TRPM3: variants seen among roughly 807,000 people sequenced by gnomAD.
TRPM3 encodes the protein transient receptor potential cation channel subfamily M member 3, also known as long transient receptor potential channel 3.
In TRPM3, 77 loss-of-function variants were observed where a neutral mutation model predicts 181.2. The ratio of observed to expected loss-of-function variants is 0.42; its 90% CI spans 0.35 to 0.51. The LOEUF (loss-of-function observed/expected upper bound fraction) is 0.51, where lower values mean the gene tolerates loss of function less well. Ranked by LOEUF, TRPM3 falls within the 20% of genes least tolerant of loss-of-function variation. The pLI is 0.01. For missense variants in TRPM3, 1,759 were observed against 2,196.7 expected (o/e 0.80, Z 3.98); for synonymous variants, 745 against 796.4 (o/e 0.94, Z 1.09).
intron 22 of TRPM3, among the ~76,000 whole-genome samples, chr9:70,572,828 T>C (rs190057228): frequency 1.3e-5 from 2 of 152,350 alleles, no homozygotes; most frequent in African/African-American, 4.8e-5. Context: ...ATGTTAAGGT[T>C]ACCAAGAGAC....
intron 6 of TRPM3, among the ~76,000 whole-genome samples, chr9:70,814,755 C>A (rs1177766797): frequency 1.3e-5 from 2 of 152,016 alleles, no homozygotes; most frequent in Admixed American, 1.3e-4. Flanking sequence ...GGGCACTTGA[C>A]CCACAGGTCA....
chr9:70,813,197 T>G (rs1233573628), intron 6 of TRPM3, among the ~76,000 whole-genome samples: 3 of 152,192 alleles, frequency 2.0e-5, no homozygotes, highest in Non-Finnish European at 4.4e-5. Context: ...TTTATATTAC[T>G]AAAGGGCACT....
At chr9:71,050,187 G>A (rs748071396) in intron 1 of TRPM3, among the ~76,000 whole-genome samples, 1 of 152,140 alleles carries the variant, frequency 6.6e-6, no homozygotes, top group Non-Finnish European at 1.5e-5. Flanking sequence ...TTGTTAAATG[G>A]GGATTATGAC....
At chr9:71,353,104 C>G (rs556584739) in intron 1 of TRPM3, among the ~76,000 whole-genome samples, 1 of 152,238 alleles carries the variant, frequency 6.6e-6, no homozygotes, top group African/African-American at 2.4e-5. Context: ...CACCTGCTCT[C>G]TCTGCTTGAA....
At chr9:70,752,045 TGTGTGC>T (rs774479781) in intron 8 of TRPM3, among the ~76,000 whole-genome samples, 2,704 of 102,306 alleles carry the variant, frequency 0.026, 33 homozygotes, top group East Asian at 0.11. Context: ...TGTGTGTGTG[TGTGTGC>T]GCGCGCGCGC....
chr9:71,192,064 C>A (rs916916497), intron 1 of TRPM3, among the ~76,000 whole-genome samples: 1 of 151,824 alleles, frequency 6.6e-6, no homozygotes, highest in Non-Finnish European at 1.5e-5. Context: ...ACCTTTACGT[C>A]TGAGCTTAAA....
intron 9 of TRPM3, among the ~76,000 whole-genome samples, chr9:70,672,573 C>T (rs934664343): frequency 7.9e-5 from 12 of 152,246 alleles, no homozygotes; most frequent in Non-Finnish European, 1.6e-4. Context: ...TAAAACAATT[C>T]CCAGTTTCAG....
rs533430391 is a variant in TRPM3 at position 70,988,447 on chromosome 9, T to C, written c.178-123936A>G. On this transcript the variant is annotated intron_variant, in intron 1 of 25. Coordinates refer to ENST00000677713, the MANE Select transcript of TRPM3 (RefSeq NM_001366145.2). ...GTTTCTAACAGCAATTCGTCTAGAA[T>C]AGAAACCTAAGACAGTTAGTTCCCT... is the stretch of plus-strand genomic sequence containing the variant. Among the ~76,000 whole-genome samples, 13 of 152,302 alleles carry C rather than the reference T, an allele frequency of 8.5e-5. No homozygotes were observed. The South Asian group carries it at 2.7e-3, about 32-fold the overall frequency.
chr9:70,562,868 C>T lies in TRPM3; in HGVS notation c.3224-9558G>A, dbSNP rs116607589. On this transcript the variant is annotated intron_variant, in intron 22 of 25. Transcript: ENST00000677713. Reference sequence around the variant, plus strand: ...TATATCTAAACTAGCCTATTGTACACGCCAGTGGGTTTGCTGTCATGATTA... The same window carrying T: ...TATATCTAAACTAGCCTATTGTACATGCCAGTGGGTTTGCTGTCATGATTA... Among the ~76,000 whole-genome samples, 469 of 152,244 alleles carry T rather than the reference C, an allele frequency of 3.1e-3. 3 individuals are homozygous for T. The highest frequency in any genetic ancestry group is 0.011 in the African/African-American group (438 of 41,542).
intron 18 of TRPM3, among the ~76,000 whole-genome samples, chr9:70,615,446 C>G (rs962212980): frequency 6.6e-6 from 1 of 152,126 alleles, no homozygotes; most frequent in Non-Finnish European, 1.5e-5. Flanking sequence ...GCATACAAAC[C>G]TCAAAATTCA....
intron 1 of TRPM3, among the ~76,000 whole-genome samples, chr9:71,068,560 AG>A (rs1283204256): frequency 6.6e-6 from 1 of 152,178 alleles, no homozygotes; most frequent in Non-Finnish European, 1.5e-5. Flanking sequence ...TGTGTCTTAG[AG>A]TGTGGCCCGG....
intron 8 of TRPM3, among the ~76,000 whole-genome samples, chr9:70,698,486 A>G (rs971145521): frequency 6.6e-6 from 1 of 152,238 alleles, no homozygotes; most frequent in African/African-American, 2.4e-5. Context: ...CTAAGTACTT[A>G]GCATATAGCC....
chr9:71,281,633 A>T (rs1005348490), intron 1 of TRPM3, among the ~76,000 whole-genome samples: 9 of 152,212 alleles, frequency 5.9e-5, no homozygotes, highest in African/African-American at 2.2e-4. Flanking sequence ...GAGGAGTTAT[A>T]CTTTTCATAT....
intron 8 of TRPM3, 103 bp downstream of exon 8, chr9:70,761,498 G>T (rs4745036): frequency 0.18 from 286,323 of 1,548,082 alleles, 28,686 homozygotes; most frequent in East Asian, 0.38. Context: ...CTGTAAGCTC[G>T]GCCAGAAAGA....
chr9:71,096,004 G>A (rs2067125239), intron 1 of TRPM3, among the ~76,000 whole-genome samples: 1 of 152,118 alleles, frequency 6.6e-6, no homozygotes, highest in Admixed American at 6.6e-5. Flanking sequence ...CTGTGGTTTT[G>A]TGGAGACCAC....
intron 1 of TRPM3, among the ~76,000 whole-genome samples, chr9:71,204,766 A>G (rs1215248915): frequency 6.6e-6 from 1 of 152,196 alleles, no homozygotes; most frequent in Non-Finnish European, 1.5e-5. Context: ...ATGCACACGT[A>G]TGTTTATTGC....
chr9:70,764,830 A>G (rs1199775661), intron 7 of TRPM3, among the ~76,000 whole-genome samples: 2 of 152,174 alleles, frequency 1.3e-5, no homozygotes, highest in African/African-American at 4.8e-5. Flanking sequence ...CAACAAGAAG[A>G]AAATCTGATT....
At chr9:71,179,303 C>G (rs533380611) in intron 1 of TRPM3, among the ~76,000 whole-genome samples, 486 of 152,094 alleles carry the variant, frequency 3.2e-3, no homozygotes, top group African/African-American at 0.011. Context: ...TTAAAACGGG[C>G]AGGGAAAAGA....
At chr9:70,843,398 A>G (rs1185462909) in intron 4 of TRPM3, among the ~76,000 whole-genome samples, 1 of 123,392 alleles carries the variant, frequency 8.1e-6, no homozygotes, top group Non-Finnish European at 1.8e-5. Flanking sequence ...ATGTCTATAA[A>G]AAGAATAAAT....
Sources: allele counts gnomAD v4.1 joint callset (sites outside exome capture counted in the v4.1 genomes callset), GRCh38; gene constraint gnomAD v4.1.1; transcripts MANE v1.5; gene names NCBI Gene and HGNC (gene_info 2026-07-23, HGNC 2026-07-21).